CNTNAP5: variants seen among roughly 807,000 people sequenced by gnomAD.
The protein encoded by CNTNAP5 is contactin associated protein family member 5, also known as contactin-associated protein-like 5.
A neutral mutation model predicts 150.2 loss-of-function variants in CNTNAP5; 72 were observed. The observed-to-expected ratio is 0.48, with a 90% confidence interval of 0.40 to 0.58. CNTNAP5 has a LOEUF of 0.58. Among genes scored for constraint, CNTNAP5 ranks in the 20% least tolerant of loss-of-function variants. CNTNAP5 has a pLI of 0.00. For missense variants in CNTNAP5, 1,636 were observed against 1,626.2 expected (o/e 1.01, Z -0.10); for synonymous variants, 672 against 619.8 (o/e 1.08, Z -1.25).
chr2:124,387,397 G>A (rs1443662497), intron 3 of CNTNAP5, among the ~76,000 whole-genome samples: 1 of 152,210 alleles, frequency 6.6e-6, no homozygotes, highest in East Asian at 1.9e-4. Context: ...TACCAAACAG[G>A]CTTTGTGTGA....
At chr2:124,736,166 G>T (rs1431910485) in intron 13 of CNTNAP5, among the ~76,000 whole-genome samples, 1 of 152,112 alleles carries the variant, frequency 6.6e-6, no homozygotes, top group Non-Finnish European at 1.5e-5. Flanking sequence ...GGAGGTGGAG[G>T]TTGCAGTGAG....
At chr2:124,251,040 G>A (rs542298057) in intron 3 of CNTNAP5, among the ~76,000 whole-genome samples, 22 of 152,188 alleles carry the variant, frequency 1.4e-4, no homozygotes, top group East Asian at 3.9e-4. Flanking sequence ...GTGAGCAGGC[G>A]TTGCTCTTGT....
At position 124,025,605 on chromosome 2, in the gene CNTNAP5, C is replaced by A. The variant is rs1177423462; in HGVS notation, c.-46C>A. ...AGCGAGAAGAAGCCGCGGCTGGCTA[C>A]TGCGAATTTGGGATTCGATTGGGAG... On this transcript the variant is annotated 5_prime_UTR_variant, in exon 1 of 24. In the 5' UTR this introduces an upstream ATG that the reference lacks. Transcript: ENST00000682447. The A allele has an allele frequency of 1.3e-6, 2 of 1,574,028 alleles. No individual in the cohort carries two copies. The highest frequency in any genetic ancestry group is 1.7e-6 in the Non-Finnish European group (2 of 1,143,508).
chr2:124,714,886 A>G (rs1166557066), intron 13 of CNTNAP5, among the ~76,000 whole-genome samples: 1 of 152,176 alleles, frequency 6.6e-6, no homozygotes, highest in Non-Finnish European at 1.5e-5. Context: ...ACAGATTTGC[A>G]AAGTCATGTT....
chr2:124,358,773 GT>G (rs1573939526), intron 3 of CNTNAP5, among the ~76,000 whole-genome samples: 1 of 151,666 alleles, frequency 6.6e-6, no homozygotes, highest in Admixed American at 6.6e-5. Context: ...CTCTTTTTTG[GT>G]TGTGTCTCTG....
rs146583759 is a variant in CNTNAP5, at chr2:124,649,296, G to T, written c.2077+1338G>T. 4.0e-3 allele frequency among the ~76,000 whole-genome samples: 613 copies of T among 152,116 alleles called. 2 individuals are homozygous for T. Among genetic ancestry groups the T allele is most frequent in the Middle Eastern group, 0.02 (6 of 294 alleles). ...TCCCTTTACCCAGCATCCTCAGAGG[G>T]TGCTGCCCTGCCAGAGTCAATGTTT... is the stretch of plus-strand genomic sequence containing the variant. On this transcript the variant is annotated intron_variant, in intron 13 of 23. Coordinates refer to ENST00000682447, the MANE Select transcript of CNTNAP5 (RefSeq NM_001367498.1).
chr2:124,384,161 T>C (rs780591412), intron 3 of CNTNAP5, among the ~76,000 whole-genome samples: 9 of 152,188 alleles, frequency 5.9e-5, no homozygotes, highest in Non-Finnish European at 1.2e-4. Context: ...TGTGGTTATC[T>C]CTTTGAAAGT....
At chr2:124,434,430 G>A in intron 4 of CNTNAP5, 54 bp from the exon 5 acceptor site, 3 of 1,267,824 alleles carry the variant, frequency 2.4e-6, no homozygotes, top group Admixed American at 1.7e-5. Context: ...AACAGTAACA[G>A]CAGTCATGAG....
chr2:124,557,005 C>T (rs1383571016), intron 10 of CNTNAP5, among the ~76,000 whole-genome samples: 5 of 151,102 alleles, frequency 3.3e-5, no homozygotes, highest in Non-Finnish European at 5.9e-5. Flanking sequence ...TCCTGCCTTC[C>T]CCCCCGCTCA....
intron 1 of CNTNAP5, among the ~76,000 whole-genome samples, chr2:124,199,413 CTTTTTT>C (rs70996049): frequency 2.0e-4 from 22 of 110,036 alleles, no homozygotes; most frequent in African/African-American, 7.7e-4. Context: ...TTCCAAGGTT[CTTTTTT>C]TTTTTTTTTT....
intron 13 of CNTNAP5, among the ~76,000 whole-genome samples, chr2:124,689,668 G>A (rs985055180): frequency 7.9e-5 from 12 of 152,054 alleles, no homozygotes; most frequent in South Asian, 2.1e-4. Flanking sequence ...TTTATGGTGC[G>A]TGTGTGTGTT....
At chr2:124,894,539 T>A (rs1678264030) in intron 21 of CNTNAP5, among the ~76,000 whole-genome samples, 1 of 151,286 alleles carries the variant, frequency 6.6e-6, no homozygotes, top group South Asian at 2.1e-4. Flanking sequence ...CTGCTGTTTT[T>A]TATTTTCTTT....
At chr2:124,629,594 T>C (rs1293441561) in intron 12 of CNTNAP5, among the ~76,000 whole-genome samples, 1 of 151,960 alleles carries the variant, frequency 6.6e-6, no homozygotes, top group Non-Finnish European at 1.5e-5. Flanking sequence ...GATTAAATGC[T>C]CACATCGGAA....
At chr2:124,186,782 C>A (rs1400139346) in intron 1 of CNTNAP5, among the ~76,000 whole-genome samples, 2 of 152,168 alleles carry the variant, frequency 1.3e-5, no homozygotes, top group Non-Finnish European at 2.9e-5. Flanking sequence ...ACCACCAGGG[C>A]CCTCCTATAA....
At chr2:124,122,645 C>T (rs1447609191) in intron 1 of CNTNAP5, among the ~76,000 whole-genome samples, 1 of 152,120 alleles carries the variant, frequency 6.6e-6, no homozygotes, top group Non-Finnish European at 1.5e-5. Context: ...GCACAAGTCA[C>T]AGAGCTTCGA....
chr2:124,197,674 A>G (rs1685621248), intron 1 of CNTNAP5, among the ~76,000 whole-genome samples: 2 of 152,128 alleles, frequency 1.3e-5, no homozygotes, highest in African/African-American at 4.8e-5. Flanking sequence ...AAATATTTGT[A>G]CCAATTCATA....
At chr2:124,487,235 A>T (rs1409828646) in intron 7 of CNTNAP5, among the ~76,000 whole-genome samples, 1 of 152,214 alleles carries the variant, frequency 6.6e-6, no homozygotes, top group African/African-American at 2.4e-5. Context: ...CCAAGGCATC[A>T]GGGAAATTCA....
intron 12 of CNTNAP5, among the ~76,000 whole-genome samples, chr2:124,646,669 G>C (rs1045631842): frequency 6.6e-6 from 1 of 152,316 alleles, no homozygotes; most frequent in Admixed American, 6.5e-5. Context: ...TATTACTACA[G>C]AGTGTCTGAT....
chr2:124,577,856 T>A (rs13034732), intron 11 of CNTNAP5, among the ~76,000 whole-genome samples: 3 of 151,696 alleles, frequency 2.0e-5, no homozygotes, highest in African/African-American at 7.3e-5. Flanking sequence ...TTGGTTGGAG[T>A]TGGGGTCAGA....
Sources: gnomAD v4.1 joint callset for allele counts (sites outside exome capture counted in the v4.1 genomes callset) on GRCh38, gnomAD v4.1.1 for gene constraint, MANE v1.5 for transcripts, NCBI Gene and HGNC (gene_info 2026-07-23, HGNC 2026-07-21) for gene names.